The following C4orf17 variants were observed in gnomAD, a reference collection of about 807,000 sequenced individuals.
C4orf17 encodes uncharacterized protein C4orf17.
In C4orf17, 25 loss-of-function variants were observed where a neutral mutation model predicts 32.0. The observed-to-expected ratio is 0.78, with a 90% confidence interval of 0.57 to 1.09. The LOEUF (loss-of-function observed/expected upper bound fraction) is 1.09. Ranked by LOEUF, C4orf17 falls within the 50% of genes least tolerant of loss-of-function variation. The pLI, the probability that C4orf17 is intolerant of heterozygous loss-of-function variation, is 0.00. For synonymous variants in C4orf17, 149 were observed against 145.8 expected (o/e 1.02, Z -0.16); for missense variants, 420 against 420.0 (o/e 1.00, Z 0.00).
chr4:99,529,202 C>G (rs1231253311), intron 4 of C4orf17, among the ~76,000 whole-genome samples: 3 of 152,188 alleles, frequency 2.0e-5, no homozygotes, highest in African/African-American at 7.2e-5. Context: ...TTTCCTGGAA[C>G]AGGCCCATGG....
chr4:99,521,265 C>T (rs892449150), intron 2 of C4orf17, among the ~76,000 whole-genome samples: 4 of 151,764 alleles, frequency 2.6e-5, no homozygotes, highest in Admixed American at 2.0e-4. Flanking sequence ...CCCAGCTACT[C>T]AGGAGGCTGA....
chr4:99,535,592 A>G (rs112865478), intron 5 of C4orf17, among the ~76,000 whole-genome samples: 3,735 of 152,196 alleles, frequency 0.025, 154 homozygotes, highest in African/African-American at 0.085. Flanking sequence ...CAGGTCAGTT[A>G]TGTTCCTCTC....
Position 99,524,556 on chromosome 4 carries a change from T to C in C4orf17, c.373T>C (p.Ser125Pro), listed in dbSNP as rs1313522179. The change falls in exon 4 of 9, where the codon TCC becomes CCC. Residue 125 changes from serine to proline, a missense_variant. By Grantham distance (74) the Ser-to-Pro change is moderately conservative (BLOSUM62 -1). Coordinates refer to ENST00000326581, the MANE Select transcript of C4orf17 (RefSeq NM_032149.3). ...SRKIKECFKT[S>P]SENPLVIKKE... ...AAAAATTAAAGAGTGCTTCAAAACTTCCAGTGAGAATCCCTTAGTAATTAA... is the reference window on the plus strand; with the variant it reads ...AAAAATTAAAGAGTGCTTCAAAACTCCCAGTGAGAATCCCTTAGTAATTAA... 1 of 1,604,686 alleles carries C rather than the reference T, an allele frequency of 6.2e-7. No homozygotes were observed. The highest frequency in any genetic ancestry group is 1.3e-5 in the African/African-American group (1 of 74,598).
rs367939525 is a variant in C4orf17 at position 99,513,255 on chromosome 4, G to A, written c.127+47G>A. ...GTATGTGTCTCTATTCTCTACACTT[G>A]GGCTATTTGATAATTCTGGCAGGTA... is the stretch of plus-strand genomic sequence containing the variant. On this transcript the variant is annotated intron_variant, in intron 2 of 8. Transcript: ENST00000326581. 2.5e-6 allele frequency: 4 copies of A among 1,605,276 alleles called. No homozygotes were observed. In the African/African-American group the frequency reaches 4.0e-5, roughly 16 times the overall value.
rs2110175730 is a variant in C4orf17, at chr4:99,542,273, T to C, written c.*164T>C. 7.8e-6 allele frequency: 5 copies of C among 642,168 alleles called. No individual in the cohort carries two copies. The highest frequency in any genetic ancestry group is 1.4e-5 in the Non-Finnish European group (5 of 362,536). The allele number at this position is 642,168 out of a possible 1,614,324, so 39.8% of individuals were successfully genotyped here. A position where few individuals can be genotyped will look rare whatever the true frequency, so the allele number is the denominator to read the frequency against. On this transcript the variant is annotated 3_prime_UTR_variant, in exon 9 of 9. Coordinates refer to ENST00000326581, the MANE Select transcript of C4orf17 (RefSeq NM_032149.3). ...TGTATGTAATGCTACAAATAAATAT[T>C]ACTGGAAATGATATTTCCATTTGTA...
chr4:99,537,616 A>G (rs112527495), intron 5 of C4orf17, 53 bp from the exon 6 acceptor site: 31,526 of 1,276,570 alleles, frequency 0.025, 847 homozygotes, highest in Middle Eastern at 0.11. Context: ...AGGAAAACTG[A>G]TAAGCCTTGT....
chr4:99,527,105 G>T (rs896353358), intron 4 of C4orf17, among the ~76,000 whole-genome samples: 2 of 151,576 alleles, frequency 1.3e-5, no homozygotes, highest in Admixed American at 1.3e-4. Flanking sequence ...TTTCATTTTC[G>T]TTATGTTCAG....
intron 8 of C4orf17, 28 bp downstream of exon 8, chr4:99,540,483 A>G (rs1212025559): frequency 1.9e-6 from 3 of 1,542,516 alleles, no homozygotes; most frequent in Non-Finnish European, 2.7e-6. Context: ...GTAACTATTG[A>G]GTTGGTATAA....
At chr4:99,518,509 AAAAAAAAAAATAT>A (rs1723226102) in intron 2 of C4orf17, among the ~76,000 whole-genome samples, 1 of 73,366 alleles carries the variant, frequency 1.4e-5, no homozygotes, top group South Asian at 5.1e-4. Flanking sequence ...AAAAAAAAAA[AAAAAAAAAAATAT>A]ATATATATAT....
intron 4 of C4orf17, among the ~76,000 whole-genome samples, chr4:99,525,135 C>T (rs1489210441): frequency 6.6e-6 from 1 of 152,196 alleles, no homozygotes; most frequent in Non-Finnish European, 1.5e-5. Flanking sequence ...CTAATAGGAA[C>T]ATTTGTCTAC....
At chr4:99,530,457 C>T (rs1723460295) in intron 5 of C4orf17, among the ~76,000 whole-genome samples, 1 of 152,088 alleles carries the variant, frequency 6.6e-6, no homozygotes, top group Admixed American at 6.6e-5. Context: ...AGGCCGTCCC[C>T]AGCCACAGTT....
chr4:99,533,098 A>T (rs1299262303), intron 5 of C4orf17, among the ~76,000 whole-genome samples: 2 of 152,200 alleles, frequency 1.3e-5, no homozygotes, highest in African/African-American at 4.8e-5. Flanking sequence ...ATAATGTAAT[A>T]CTTTATAAGT....
intron 1 of C4orf17, among the ~76,000 whole-genome samples, chr4:99,511,684 G>A (rs1979894): frequency 0.062 from 9,483 of 152,008 alleles, 684 homozygotes; most frequent in African/African-American, 0.16. Context: ...ATTGTCTGCT[G>A]TACTCTTTTC....
At chr4:99,518,540 T>TAGAGAGAGAGAG (rs1560585526) in intron 2 of C4orf17, among the ~76,000 whole-genome samples, 2 of 68,828 alleles carry the variant, frequency 2.9e-5, no homozygotes, top group Admixed American at 1.6e-4. Flanking sequence ...TATATATATA[T>TAGAGAGAGAGAG]ATATAGAGAG....
chr4:99,524,185 G>T (rs982531799), intron 3 of C4orf17, among the ~76,000 whole-genome samples: 11 of 152,078 alleles, frequency 7.2e-5, no homozygotes, highest in Admixed American at 3.9e-4. Flanking sequence ...ACTTCACCGT[G>T]TTAGCCAGGA....
intron 5 of C4orf17, among the ~76,000 whole-genome samples, chr4:99,536,922 A>G (rs1009472093): frequency 6.6e-6 from 1 of 152,174 alleles, no homozygotes; most frequent in Non-Finnish European, 1.5e-5. Flanking sequence ...GAAGGCCAAA[A>G]GGTTACACAG....
chr4:99,515,337 A>G (rs1362656385), intron 2 of C4orf17, among the ~76,000 whole-genome samples: 23 of 152,208 alleles, frequency 1.5e-4, no homozygotes, highest in Admixed American at 1.5e-3. Context: ...AAAATGTGGT[A>G]CATATACACC....
intron 2 of C4orf17, among the ~76,000 whole-genome samples, chr4:99,520,216 A>C (rs1408741658): frequency 1.3e-5 from 2 of 151,396 alleles, no homozygotes; most frequent in East Asian, 3.9e-4. Flanking sequence ...TAGTCTCCCG[A>C]GTAGCTGGAA....
intron 4 of C4orf17, among the ~76,000 whole-genome samples, chr4:99,527,438 T>A (rs1723408304): frequency 6.6e-6 from 1 of 152,210 alleles, no homozygotes. Context: ...TGTTCAAGTC[T>A]TCTACAGCAG....
Sources: allele counts gnomAD v4.1 joint callset (sites outside exome capture counted in the v4.1 genomes callset), GRCh38; gene constraint gnomAD v4.1.1; transcripts MANE v1.5; gene names NCBI Gene and HGNC (gene_info 2026-07-23, HGNC 2026-07-21).